The following ADGRG3 variants were observed in gnomAD, a reference collection of about 807,000 sequenced individuals.
The protein encoded by ADGRG3 is G protein-coupled receptor 97.
A neutral mutation model predicts 54.3 loss-of-function variants in ADGRG3; 39 were observed. The ratio of observed to expected loss-of-function variants is 0.72; its 90% CI spans 0.56 to 0.94. The LOEUF (loss-of-function observed/expected upper bound fraction) is 0.94. Among genes scored for constraint, ADGRG3 ranks in the 40% least tolerant of loss-of-function variants. The pLI, the probability that ADGRG3 is intolerant of heterozygous loss-of-function variation, is 0.00. For missense variants in ADGRG3, 654 were observed against 694.6 expected (o/e 0.94, Z 0.66); for synonymous variants, 312 against 290.0 (o/e 1.08, Z -0.77).
Position 57,678,262 on chromosome 16 carries a change from T to C in ADGRG3, c.438T>C (p.Ser146=). The change falls in exon 4 of 12, where the codon TCT becomes TCC. Residue 146 remains serine (S), a synonymous_variant. Coordinates refer to ENST00000333493, the MANE Select transcript of ADGRG3 (RefSeq NM_170776.5). ...TTCGATCCCTGCCAGGCAACAGGTC[T>C]GTGGTCCGCTTGGCCGTCACCATTC... ...SLFRSLPGNR[S]VVRLAVTILD... The C allele has an allele frequency of 1.2e-6, 2 of 1,614,218 alleles. No individual in the cohort carries two copies. Among genetic ancestry groups the C allele is most frequent in the Admixed American group, 1.7e-5 (1 of 60,032 alleles).
intron 6 of ADGRG3, among the ~76,000 whole-genome samples, 164 bp downstream of exon 6, chr16:57,680,019 C>CG (rs369645039): frequency 2.4e-5 from 2 of 82,878 alleles, no homozygotes; most frequent in African/African-American, 1.1e-4. Context: ...CTCCCCTCCC[C>CG]CCCCTCCTCA....
At chr16:57,682,590 A>G (rs1254023693) in intron 8 of ADGRG3, 2 of 985,326 alleles carry the variant, frequency 2.0e-6, no homozygotes, top group Non-Finnish European at 2.4e-6. Flanking sequence ...AGGAGAAATT[A>G]CCACCAGCTC....
intron 5 of ADGRG3, among the ~76,000 whole-genome samples, chr16:57,679,571 A>G (rs2048325688): frequency 1.3e-5 from 2 of 152,088 alleles, no homozygotes. Flanking sequence ...ACACGCACAC[A>G]TGCATGCAGA....
At chr16:57,676,915 TAGTG>T (rs1567854819) in intron 3 of ADGRG3, among the ~76,000 whole-genome samples, 1 of 152,200 alleles carries the variant, frequency 6.6e-6, no homozygotes, top group Non-Finnish European at 1.5e-5. Context: ...ATGCTTGGGA[TAGTG>T]AGGGCTTAGA....
intron 4 of ADGRG3, chr16:57,678,517 C>T (rs577913688): frequency 3.0e-5 from 18 of 590,570 alleles, no homozygotes; most frequent in Middle Eastern, 4.5e-4. Flanking sequence ...ACTGGTCACA[C>T]GCTCTCAGAT....
chr16:57,683,982 C>T lies in ADGRG3; in HGVS notation c.932C>T (p.Ala311Val), dbSNP rs373597574. 17 of 1,600,040 alleles carry T rather than the reference C, an allele frequency of 1.1e-5. No homozygotes were observed. In the African/African-American group the frequency reaches 1.9e-4, roughly 18 times the overall value. The change falls in exon 9 of 12, where the codon GCC (alanine) becomes GTC (valine). Residue 311 changes from alanine (A) to valine (V), a missense_variant. Physicochemically the swap from Ala to Val is moderately conservative, Grantham distance 64. Transcript: ENST00000333493. ...KSEDAPKIHV[A>V]LGGSLFLLNL... ...GAAGATGCCCCAAAGATCCACGTGG[C>T]CCTGGGTGGCAGCCTGTTCCTCCTG...
chr16:57,686,255 C>A (rs1450903322), intron 11 of ADGRG3, among the ~76,000 whole-genome samples: 1 of 152,188 alleles, frequency 6.6e-6, no homozygotes, highest in African/African-American at 2.4e-5. Context: ...AGCTTCCAAT[C>A]ATGGTGGAAG....
chr16:57,684,509 G>T, intron 10 of ADGRG3, 26 bp downstream of exon 10: 2 of 1,529,284 alleles, frequency 1.3e-6, no homozygotes, highest in Non-Finnish European at 9.1e-7. Flanking sequence ...GGGAGCAGGG[G>T]TGATGCCAGC....
At chr16:57,681,348 CTGTG>C (rs72283299) in intron 8 of ADGRG3, 33,062 of 135,356 alleles carry the variant, frequency 0.24, 3,751 homozygotes, top group African/African-American at 0.34. Context: ...GTGTGTGTGT[CTGTG>C]TGTGTGTGTG....
chr16:57,685,233 G>A (rs1460217949), intron 10 of ADGRG3, among the ~76,000 whole-genome samples: 1 of 152,196 alleles, frequency 6.6e-6, no homozygotes, highest in Non-Finnish European at 1.5e-5. Context: ...TGCAGGCAGT[G>A]GGCCAGGTGG....
At position 57,685,904 on chromosome 16, in the gene ADGRG3, T is replaced by C; in HGVS notation, c.1518T>C (p.Phe506=). The C allele has an allele frequency of 6.2e-7, 1 of 1,614,058 alleles. No homozygotes were observed. ...TPLGLSTVYI[F]ALFNSLQGVF... Reference sequence around the variant, plus strand: ...TGGGCCTCTCCACCGTCTACATCTTTGCACTTTTCAACTCCTTGCAAGGTG... The same window carrying C: ...TGGGCCTCTCCACCGTCTACATCTTCGCACTTTTCAACTCCTTGCAAGGTG... Residue 506 remains phenylalanine, a synonymous_variant, in exon 11 of 12, where the codon TTT becomes TTC. Transcript: ENST00000333493.
intron 7 of ADGRG3, 35 bp downstream of exon 7, chr16:57,680,400 C>T: frequency 1.9e-6 from 3 of 1,587,758 alleles, no homozygotes; most frequent in Non-Finnish European, 2.6e-6. Flanking sequence ...CCAGCCATCC[C>T]AGGGGCTTCC....
chr16:57,678,221 C>G lies in ADGRG3; in HGVS notation c.397C>G (p.Leu133Val). 6.2e-7 allele frequency: 1 copy of G among 1,614,230 alleles called. No individual in the cohort carries two copies. The highest frequency in any genetic ancestry group is 8.5e-7 in the Non-Finnish European group (1 of 1,180,024). The stretch of plus-strand genomic sequence containing the variant: ...GGACAAGCCCCCTGACAGAGTGCGA[C>G]TTCCCAAGAGCCTTTTTCGATCCCT... ...DEDKPPDRVR[L>V]PKSLFRSLPG... Residue 133 changes from leucine (L) to valine (V), a missense_variant, in exon 4 of 12, where the codon CTT becomes GTT. Leu to Val is a conservative substitution (Grantham distance 32). Coordinates refer to ENST00000333493, the MANE Select transcript of ADGRG3 (RefSeq NM_170776.5).
In ADGRG3 at chr16:57,685,540, G is replaced by A; in HGVS notation, c.1257-103G>A. 3.5e-6 allele frequency: 4 copies of A among 1,133,480 alleles called. No homozygotes were observed. The Middle Eastern group carries it at 7.6e-4, about 216-fold the overall frequency. The allele number at this position is 1,133,480 out of a possible 1,614,324, so 70.2% of individuals were successfully genotyped here. On this transcript the variant is annotated intron_variant, in intron 10 of 11. Coordinates refer to ENST00000333493, the MANE Select transcript of ADGRG3 (RefSeq NM_170776.5). ...AGCCAGGGATTGATGGGTGGAAATG[G>A]GAGAGGCACCTTCACAGACAGAAAA...
chr16:57,672,742 T>G (rs1345041518), intron 1 of ADGRG3, among the ~76,000 whole-genome samples: 1 of 152,176 alleles, frequency 6.6e-6, no homozygotes, highest in Non-Finnish European at 1.5e-5. Context: ...CTTTCTCAAG[T>G]CATTTTGCTC....
chr16:57,678,583 C>T lies in ADGRG3; in HGVS notation c.492+267C>T, dbSNP rs1422897344. The T allele has an allele frequency of 6.4e-5, 34 of 527,946 alleles. 1 individual carries two copies. The highest frequency in any genetic ancestry group is 5.1e-4 in the Middle Eastern group (1 of 1,958). The allele number at this position is 527,946 out of a possible 1,614,324, so 32.7% of individuals were successfully genotyped here. On this transcript the variant is annotated intron_variant, in intron 4 of 11. Coordinates refer to ENST00000333493, the MANE Select transcript of ADGRG3 (RefSeq NM_170776.5). ...CTTGTCTATGTGTCCTGTGGGTGCT[C>T]GTGTGCTCTGTGTGTCCTCGTGCAT...
In ADGRG3 at chr16:57,676,287, C is replaced by A; in HGVS notation, c.294C>A (p.Asn98Lys). Residue 98 changes from asparagine (N) to lysine (K), a missense_variant, in exon 3 of 12, where the codon AAC becomes AAA. Transcript: ENST00000333493. ...CTTTCCTGAAGGCTTTGGTCCAGAA[C>A]CTCAGCACCAACACTGCAGAAGACT... ...NTPFLKALVQ[N>K]LSTNTAEDFY... 1 of 1,614,106 alleles carries A rather than the reference C, an allele frequency of 6.2e-7. No homozygotes were observed. Among genetic ancestry groups the A allele is most frequent in the Non-Finnish European group, 8.5e-7 (1 of 1,179,916 alleles).
intron 1 of ADGRG3, among the ~76,000 whole-genome samples, chr16:57,672,184 GA>G (rs752949011): frequency 7.8e-4 from 113 of 145,266 alleles, no homozygotes; most frequent in Middle Eastern, 3.5e-3. Flanking sequence ...TGTCTCAAAA[GA>G]AAAAAAAAAG....
chr16:57,683,907 T>G, intron 8 of ADGRG3, 25 bp from the exon 9 acceptor site: 6 of 1,522,770 alleles, frequency 3.9e-6, no homozygotes, highest in Non-Finnish European at 5.3e-6. Flanking sequence ...TGTGGCCCCT[T>G]GGGGCCTCTT....
Sources: gnomAD v4.1 joint callset for allele counts (sites outside exome capture counted in the v4.1 genomes callset) on GRCh38, gnomAD v4.1.1 for gene constraint, MANE v1.5 for transcripts, NCBI Gene and HGNC (gene_info 2026-07-23, HGNC 2026-07-21) for gene names.